Variants in XPNPEP3 observed in about 807,000 individuals in gnomAD.
XPNPEP3 encodes X-prolyl aminopeptidase 3, also known as xaa-Pro aminopeptidase 3.
A neutral mutation model predicts 60.0 loss-of-function variants in XPNPEP3; 41 were observed. The ratio of observed to expected loss-of-function variants is 0.68; its 90% CI spans 0.53 to 0.89. The LOEUF (loss-of-function observed/expected upper bound fraction) is 0.89. XPNPEP3 is among the 40% of genes least tolerant of loss of function. The pLI is 0.00. For synonymous variants in XPNPEP3, 212 were observed against 223.2 expected (o/e 0.95, Z 0.45); for missense variants, 598 against 638.9 (o/e 0.94, Z 0.69).
intron 3 of XPNPEP3, among the ~76,000 whole-genome samples, chr22:40,884,689 A>T (rs1399169151): frequency 6.6e-6 from 1 of 151,936 alleles, no homozygotes; most frequent in Non-Finnish European, 1.5e-5. Context: ...CTATGATTTC[A>T]TACACTTTGA....
At chr22:40,875,380 G>T (rs1466439363) in intron 2 of XPNPEP3, among the ~76,000 whole-genome samples, 1 of 151,820 alleles carries the variant, frequency 6.6e-6, no homozygotes, top group Non-Finnish European at 1.5e-5. Flanking sequence ...TTGTTGCCAG[G>T]GCTTACTTAT....
At chr22:40,897,024 T>C (rs1035787480) in intron 4 of XPNPEP3, among the ~76,000 whole-genome samples, 1 of 148,724 alleles carries the variant, frequency 6.7e-6, no homozygotes, top group African/African-American at 2.4e-5. Context: ...CAATGTTTCC[T>C]TCATCTTTTT....
intron 4 of XPNPEP3, among the ~76,000 whole-genome samples, chr22:40,891,753 G>A (rs745966608): frequency 3.9e-5 from 6 of 152,092 alleles, no homozygotes; most frequent in Non-Finnish European, 7.3e-5. Context: ...CACTAGTCCT[G>A]TTTAAAGTTT....
At chr22:40,871,219 T>C (rs930072534) in intron 2 of XPNPEP3, among the ~76,000 whole-genome samples, 4 of 151,812 alleles carry the variant, frequency 2.6e-5, no homozygotes, top group Admixed American at 2.6e-4. Flanking sequence ...AAAAAATTAG[T>C]GCTCCTGCCT....
intron 2 of XPNPEP3, among the ~76,000 whole-genome samples, chr22:40,872,906 A>G (rs1255799622): frequency 6.6e-6 from 1 of 152,108 alleles, no homozygotes; most frequent in Non-Finnish European, 1.5e-5. Context: ...AATGAACGGG[A>G]AGAATCAGTG....
rs541383972 is a variant in XPNPEP3 at position 40,918,495 on chromosome 22, A to G, written c.1056-3838A>G. On this transcript the variant is annotated intron_variant, in intron 7 of 9. Transcript: ENST00000357137. ...GAGACCAGCCTAGCCAACATGGTGA[A>G]ACCCTGTCTCTACTAAAAACACACA... 1.2e-4 allele frequency among the ~76,000 whole-genome samples: 19 copies of G among 152,076 alleles called. 1 individual carries two copies. The South Asian group carries it at 3.9e-3, about 32-fold the overall frequency.
intron 2 of XPNPEP3, among the ~76,000 whole-genome samples, chr22:40,871,820 G>A (rs1273343459): frequency 6.6e-6 from 1 of 152,160 alleles, no homozygotes; most frequent in Non-Finnish European, 1.5e-5. Flanking sequence ...GGATCACGAG[G>A]TCAGGAGTTC....
intron 4 of XPNPEP3, among the ~76,000 whole-genome samples, chr22:40,902,471 C>T (rs970476396): frequency 1.4e-4 from 21 of 151,998 alleles, no homozygotes; most frequent in African/African-American, 4.6e-4. Flanking sequence ...AGGATGGTCT[C>T]GATCTCCTGA....
At chr22:40,875,194 G>C (rs1001906118) in intron 2 of XPNPEP3, among the ~76,000 whole-genome samples, 1 of 151,758 alleles carries the variant, frequency 6.6e-6, no homozygotes, top group African/African-American at 2.4e-5. Flanking sequence ...TGCTTTTTTT[G>C]AGATGGGGTC....
chr22:40,857,390 C>G lies in XPNPEP3; in HGVS notation c.64+145C>G, dbSNP rs1032278883. On this transcript the variant is annotated intron_variant, in intron 1 of 9. Transcript: ENST00000357137. ...CTGTGCTCCGCGGATTTCTTCTATA[C>G]CGGCTGCTCCTGGAAAGGGGTGGGC... The G allele has an allele frequency of 4.1e-5, 38 of 928,628 alleles. No homozygotes were observed. The African/African-American group carries it at 5.6e-4, about 14-fold the overall frequency. 57.5% of individuals were successfully genotyped at this position (928,628 alleles called of 1,614,324 possible).
intron 2 of XPNPEP3, among the ~76,000 whole-genome samples, chr22:40,876,817 T>C (rs1804613045): frequency 6.6e-6 from 1 of 152,234 alleles, no homozygotes; most frequent in Non-Finnish European, 1.5e-5. Flanking sequence ...TTATAAGACA[T>C]CCATCTGAGA....
rs187655131 is a variant in XPNPEP3, at chr22:40,926,781, C to G, written c.*346C>G. ...TAAACATATAGAAAATTCACTTCTT[C>G]TTTCAAGTCCTTCCCTTTCTATACT... On this transcript the variant is annotated 3_prime_UTR_variant, in exon 10 of 10. Transcript: ENST00000357137. 1 of 332,994 alleles carries G rather than the reference C, an allele frequency of 3.0e-6. No individual in the cohort carries two copies. Among genetic ancestry groups the G allele is most frequent in the African/African-American group, 2.1e-5 (1 of 46,682 alleles). 20.6% of individuals were successfully genotyped at this position (332,994 alleles called of 1,614,324 possible). A position where few individuals can be genotyped will look rare whatever the true frequency, so the allele number is the denominator to read the frequency against.
At chr22:40,878,585 T>A (rs907414799) in intron 2 of XPNPEP3, among the ~76,000 whole-genome samples, 2 of 152,040 alleles carry the variant, frequency 1.3e-5, no homozygotes, top group South Asian at 4.1e-4. Flanking sequence ...ATTTTTAAAT[T>A]TCTTTCTTTT....
intron 4 of XPNPEP3, among the ~76,000 whole-genome samples, chr22:40,887,049 A>C (rs960675333): frequency 2.0e-5 from 3 of 152,026 alleles, no homozygotes; most frequent in Admixed American, 2.0e-4. Context: ...CATCAATCTT[A>C]ATTATTTCTC....
At chr22:40,880,914 G>A (rs1375776840) in intron 2 of XPNPEP3, among the ~76,000 whole-genome samples, 1 of 152,122 alleles carries the variant, frequency 6.6e-6, no homozygotes, top group African/African-American at 2.4e-5. Flanking sequence ...GCCAGGGGCT[G>A]GAGGATTGTG....
At chr22:40,884,267 A>G (rs1175101052) in intron 3 of XPNPEP3, among the ~76,000 whole-genome samples, 1 of 150,844 alleles carries the variant, frequency 6.6e-6, no homozygotes, top group Non-Finnish European at 1.5e-5. Flanking sequence ...TCTAAGTTTT[A>G]TTAATTCAGT....
intron 4 of XPNPEP3, chr22:40,907,008 G>A (rs1264290873): frequency 2.0e-5 from 9 of 455,150 alleles, no homozygotes; most frequent in East Asian, 1.4e-4. Flanking sequence ...CAGAGCCCTC[G>A]TGATTTAATC....
chr22:40,886,384 C>T lies in XPNPEP3; in HGVS notation c.661C>T (p.Pro221Ser). The T allele has an allele frequency of 1.2e-6, 2 of 1,614,166 alleles. No individual in the cohort carries two copies. The highest frequency in any genetic ancestry group is 2.7e-5 in the African/African-American group (2 of 75,038). Residue 221 changes from proline (P) to serine (S), a missense_variant, in exon 4 of 10, where the codon CCC (proline) becomes TCC (serine). Transcript: ENST00000357137. ...HAQLHSDYMQ[P>S]LTEAKAKSKN... is the part of the protein sequence containing the mutation. The stretch of plus-strand genomic sequence containing the variant: ...ACAGCTTCACTCTGACTATATGCAG[C>T]CCCTGACTGAGGCCAAAGCCAAGAG...
Position 40,857,250 on chromosome 22 carries a change from G to C in XPNPEP3, c.64+5G>C, listed in dbSNP as rs370308242. The C allele has an allele frequency of 9.3e-6, 15 of 1,614,024 alleles. No homozygotes were observed. The highest frequency in any genetic ancestry group is 1.6e-4 in the Middle Eastern group (1 of 6,084). The stretch of plus-strand genomic sequence containing the variant: ...CAAACGTCCGCGGCCTCTCAGGTTA[G>C]ACTCTTCTCCCACGGTCTCCTCCCA... On this transcript the variant is annotated splice_donor_5th_base_variant and intron_variant, in intron 1 of 9. Transcript: ENST00000357137.
Sources: gnomAD v4.1 joint callset for allele counts (sites outside exome capture counted in the v4.1 genomes callset) on GRCh38, gnomAD v4.1.1 for gene constraint, MANE v1.5 for transcripts, NCBI Gene and HGNC (gene_info 2026-07-23, HGNC 2026-07-21) for gene names.